Variants in TMEM179 observed in about 807,000 individuals in gnomAD.
TMEM179 encodes transmembrane protein 179A.
In TMEM179, 17 loss-of-function variants were observed where a neutral mutation model predicts 22.2. The observed-to-expected ratio is 0.77, with a 90% CI of 0.52 to 1.15. The LOEUF (loss-of-function observed/expected upper bound fraction) is 1.15, where lower values mean the gene tolerates loss of function less well. Among genes scored for constraint, TMEM179 ranks in the 50% most tolerant of loss-of-function variants. The pLI is 0.00. For missense variants in TMEM179, 265 were observed against 313.6 expected (o/e 0.84, Z 1.17); for synonymous variants, 127 against 140.5 (o/e 0.90, Z 0.68).
Position 104,593,382 on chromosome 14 carries a change from G to T in TMEM179, c.*97C>A. The T allele has an allele frequency of 7.0e-7, 1 of 1,435,900 alleles. No individual in the cohort carries two copies. The highest frequency in any genetic ancestry group is 9.3e-7 in the Non-Finnish European group (1 of 1,069,802). The allele number at this position is 1,435,900 out of a possible 1,614,324, so 88.9% of individuals were successfully genotyped here. On this transcript the variant is annotated 3_prime_UTR_variant, in exon 4 of 4. Coordinates refer to ENST00000556573, the MANE Select transcript of TMEM179 (RefSeq NM_001286389.2). Reference sequence around the variant, plus strand: ...ACACACGCAGGGCTGCATGTGGCCAGGGCCCAGGCAGAGCCCCCCAGCTGC... The same window carrying T: ...ACACACGCAGGGCTGCATGTGGCCATGGCCCAGGCAGAGCCCCCCAGCTGC...
In TMEM179 at chr14:104,604,155, C is replaced by T. The variant is rs1419671781; in HGVS notation, c.305+282G>A. 1.3e-5 allele frequency among the ~76,000 whole-genome samples: 2 copies of T among 152,212 alleles called. No homozygotes were observed. Among genetic ancestry groups the T allele is most frequent in the Non-Finnish European group, 1.5e-5 (1 of 68,040 alleles). On this transcript the variant is annotated intron_variant, in intron 1 of 3. Transcript: ENST00000556573. This position sits in a 1 kb window ranked among gnomAD's most constrained non-coding sequence, Gnocchi z 4.6. Reference sequence around the variant, plus strand: ...GGCCTGCTGGGTGATGACAGTGCAACATCTGCAACCCAAGGGAGCAGATGC... The same window carrying T: ...GGCCTGCTGGGTGATGACAGTGCAATATCTGCAACCCAAGGGAGCAGATGC...
intron 1 of TMEM179, among the ~76,000 whole-genome samples, chr14:104,602,805 T>C (rs1445204275): frequency 6.6e-6 from 1 of 152,210 alleles, no homozygotes; most frequent in Non-Finnish European, 1.5e-5. Context: ...CAGCCAGCTT[T>C]CTACTGACCC....
chr14:104,593,803 G>A (rs1886922661), intron 3 of TMEM179, 145 bp from the exon 4 acceptor site: 1 of 968,426 alleles, frequency 1.0e-6, no homozygotes, highest in South Asian at 2.2e-5. Context: ...GGCAGGGCCA[G>A]CTCCTGAAGA....
Position 104,591,063 on chromosome 14 carries a change from C to A in TMEM179, c.*2416G>T, listed in dbSNP as rs993914868. 4 of 263,374 alleles carry A rather than the reference C, an allele frequency of 1.5e-5. No individual in the cohort carries two copies. Among genetic ancestry groups the A allele is most frequent in the Non-Finnish European group, 2.2e-5 (3 of 134,470 alleles). The allele number at this position is 263,374 out of a possible 1,614,324, so 16.3% of individuals were successfully genotyped here. On this transcript the variant is annotated 3_prime_UTR_variant, in exon 4 of 4. Transcript: ENST00000556573. The stretch of plus-strand genomic sequence containing the variant: ...CCCCTGAGGGACCCTGGAGAGCCCA[C>A]GACCAGGGCCGCCAGCCCCTGCCCA...
At chr14:104,602,279 T>C (rs902514539) in intron 1 of TMEM179, among the ~76,000 whole-genome samples, 1 of 152,196 alleles carries the variant, frequency 6.6e-6, no homozygotes, top group African/African-American at 2.4e-5. Flanking sequence ...CCCCAGCTTC[T>C]GGTGGAACCC....
chr14:104,596,357 G>A (rs1887021980), intron 2 of TMEM179, among the ~76,000 whole-genome samples: 1 of 152,138 alleles, frequency 6.6e-6, no homozygotes, highest in African/African-American at 2.4e-5. Flanking sequence ...CCACTCTGGG[G>A]CCCCCCACAA....
In TMEM179 at chr14:104,604,375, G is replaced by A. The variant is rs1366834446; in HGVS notation, c.305+62C>T. ...AGGGACTCGCGCGCCTCCCCGGGGA[G>A]GTGGGTCTGGGGGCGCTGGGGGCAT... On this transcript the variant is annotated intron_variant, in intron 1 of 3. Transcript: ENST00000556573. The surrounding 1 kb of genome is among the most constrained non-coding windows in gnomAD (Gnocchi z 4.6). 7.1e-7 allele frequency: 1 copy of A among 1,412,964 alleles called. No homozygotes were observed. Among genetic ancestry groups the A allele is most frequent in the Non-Finnish European group, 9.2e-7 (1 of 1,088,472 alleles). The allele number at this position is 1,412,964 out of a possible 1,614,324, so 87.5% of individuals were successfully genotyped here. A position where few individuals can be genotyped will look rare whatever the true frequency, so the allele number is the denominator to read the frequency against.
chr14:104,594,291 C>G, intron 3 of TMEM179: 2 of 1,231,768 alleles, frequency 1.6e-6, no homozygotes, highest in Non-Finnish European at 2.0e-6. Flanking sequence ...TTCAGGCCCA[C>G]CCATGTCCAG....
In TMEM179 at chr14:104,595,302, G is replaced by T; in HGVS notation, c.444-59C>A. 6.6e-7 allele frequency: 1 copy of T among 1,524,716 alleles called. No homozygotes were observed. Among genetic ancestry groups the T allele is most frequent in the Non-Finnish European group, 8.9e-7 (1 of 1,117,414 alleles). 94.4% of individuals were successfully genotyped at this position (1,524,716 alleles called of 1,614,324 possible). On this transcript the variant is annotated intron_variant, in intron 2 of 3. Coordinates refer to ENST00000556573, the MANE Select transcript of TMEM179 (RefSeq NM_001286389.2). This position sits in a 1 kb window ranked among gnomAD's most constrained non-coding sequence, Gnocchi z 5.7. ...ACCAGGACAGCCAGTGCGGGACATG[G>T]CTGAGCCGCTGGCCAGAGAGCCAGG... is the stretch of plus-strand genomic sequence containing the variant.
intron 2 of TMEM179, 84 bp downstream of exon 2, chr14:104,596,906 G>A: frequency 1.3e-6 from 2 of 1,528,114 alleles, no homozygotes; most frequent in East Asian, 2.3e-5. Flanking sequence ...GGCTTCGTGA[G>A]GGAAGATCAC....
In TMEM179 at chr14:104,595,033, C is replaced by G. The variant is rs1329553292; in HGVS notation, c.522+132G>C. On this transcript the variant is annotated intron_variant, in intron 3 of 3. Transcript: ENST00000556573. This position sits in a 1 kb window ranked among gnomAD's most constrained non-coding sequence, Gnocchi z 5.7. ...TTCCCGACTGCTCCCACTGCCTGGTCCCATTGCTAACTACCTTATCCACAC... is the reference window on the plus strand; with the variant it reads ...TTCCCGACTGCTCCCACTGCCTGGTGCCATTGCTAACTACCTTATCCACAC... The G allele has an allele frequency of 2.0e-6, 3 of 1,534,730 alleles. No individual in the cohort carries two copies. The South Asian group carries it at 3.9e-5, about 20-fold the overall frequency.
At chr14:104,603,914 G>T (rs1887327859) in intron 1 of TMEM179, among the ~76,000 whole-genome samples, 1 of 152,210 alleles carries the variant, frequency 6.6e-6, no homozygotes, top group African/African-American at 2.4e-5. Context: ...TCTCTCTCCA[G>T]CTCCCCATCC....
chr14:104,596,972 C>G lies in TMEM179; in HGVS notation c.443+18G>C, dbSNP rs373548447. On this transcript the variant is annotated intron_variant, in intron 2 of 3. Transcript: ENST00000556573. ...CCGGGGAGGTGGGCGGAGGCCGAGG[C>G]GGGTGGGGCGGGCGCACCTGTGGGG... The G allele has an allele frequency of 3.6e-6, 5 of 1,404,470 alleles. No homozygotes were observed. Among genetic ancestry groups the G allele is most frequent in the East Asian group, 2.9e-5 (1 of 34,352 alleles). 87.0% of individuals were successfully genotyped at this position (1,404,470 alleles called of 1,614,324 possible). A position where few individuals can be genotyped will look rare whatever the true frequency, so the allele number is the denominator to read the frequency against.
rs1003589534 is a variant in TMEM179, at chr14:104,597,895, T to C, written c.306-768A>G. Reference sequence around the variant, plus strand: ...CATTTAAACTTAAAAGGCCAGGCTGTGATTGGGCCCATCTGACCAGGGCCA... The same window carrying C: ...CATTTAAACTTAAAAGGCCAGGCTGCGATTGGGCCCATCTGACCAGGGCCA... On this transcript the variant is annotated intron_variant, in intron 1 of 3. Coordinates refer to ENST00000556573, the MANE Select transcript of TMEM179 (RefSeq NM_001286389.2). The surrounding 1 kb of genome is among the most constrained non-coding windows in gnomAD (Gnocchi z 4.8). 6.6e-6 allele frequency among the ~76,000 whole-genome samples: 1 copy of C among 152,070 alleles called. No individual in the cohort carries two copies. The highest frequency in any genetic ancestry group is 2.4e-5 in the African/African-American group (1 of 41,404).
Position 104,591,769 on chromosome 14 carries a change from G to A in TMEM179, c.*1710C>T. 1 of 215,848 alleles carries A rather than the reference G, an allele frequency of 4.6e-6. No individual in the cohort carries two copies. Among genetic ancestry groups the A allele is most frequent in the South Asian group, 5.9e-5 (1 of 16,880 alleles). The allele number at this position is 215,848 out of a possible 1,614,324, so 13.4% of individuals were successfully genotyped here. ...GTGGACAGGGTGGGTCATGAACTCA[G>A]GGAGCCAGGGGCTCGCCTCTCCCCG... On this transcript the variant is annotated 3_prime_UTR_variant, in exon 4 of 4. Transcript: ENST00000556573.
intron 1 of TMEM179, among the ~76,000 whole-genome samples, chr14:104,603,869 C>T (rs1238855049): frequency 6.6e-6 from 1 of 152,202 alleles, no homozygotes; most frequent in East Asian, 1.9e-4. Flanking sequence ...AGGAGGAAGG[C>T]GCTGAGCCCA....
At chr14:104,603,077 T>C (rs2140499902) in intron 1 of TMEM179, among the ~76,000 whole-genome samples, 1 of 152,190 alleles carries the variant, frequency 6.6e-6, no homozygotes, top group African/African-American at 2.4e-5. Flanking sequence ...ACAAGTGGGT[T>C]TCAGTCCAGT....
At chr14:104,598,626 G>A (rs974088030) in intron 1 of TMEM179, among the ~76,000 whole-genome samples, 2 of 152,266 alleles carry the variant, frequency 1.3e-5, no homozygotes, top group African/African-American at 2.4e-5. Flanking sequence ...GGCCCCGGGA[G>A]GTGCCCCAGC....
intron 2 of TMEM179, 33 bp downstream of exon 2, chr14:104,596,957 G>A (rs1566743517): frequency 1.3e-6 from 2 of 1,592,438 alleles, no homozygotes; most frequent in Admixed American, 1.7e-5. Context: ...CCGGGGAGGT[G>A]GGCGGAGGCC....
Sources: gnomAD v4.1 joint callset for allele counts (sites outside exome capture counted in the v4.1 genomes callset) on GRCh38, gnomAD v4.1.1 for gene constraint, Gnocchi (gnomAD v3.1) non-coding constraint, MANE v1.5 for transcripts, NCBI Gene and HGNC (gene_info 2026-07-23, HGNC 2026-07-21) for gene names.